STXBP6: variants seen among roughly 807,000 people sequenced by gnomAD.
The protein encoded by STXBP6 is syntaxin binding protein 6.
In STXBP6, 21 loss-of-function variants were observed where a neutral mutation model predicts 26.9. The ratio of observed to expected loss-of-function variants is 0.78; its 90% CI spans 0.55 to 1.12. The LOEUF (loss-of-function observed/expected upper bound fraction) is 1.12. Ranked by LOEUF, STXBP6 falls within the 50% of genes most tolerant of loss-of-function variation. The pLI, the probability that STXBP6 is intolerant of heterozygous loss-of-function variation, is 0.00. For missense variants in STXBP6, 232 were observed against 257.9 expected, an observed-to-expected ratio of 0.90 and a Z score of 0.69; for synonymous variants, 97 against 92.6, an observed-to-expected ratio of 1.05 and a Z score of -0.27.
chr14:24,846,241 G>A (rs549428159), intron 4 of STXBP6, among the ~76,000 whole-genome samples: 5 of 152,176 alleles, frequency 3.3e-5, no homozygotes, highest in Non-Finnish European at 5.9e-5. Context: ...AAGTTCTTTA[G>A]TGAAATTCTA....
chr14:24,945,166 T>TTTTTTTTTTTTTTTTTGA, intron 2 of STXBP6, among the ~76,000 whole-genome samples: 1 of 143,862 alleles, frequency 7.0e-6, no homozygotes, highest in East Asian at 2.1e-4. Flanking sequence ...TTTTTTTTTT[T>TTTTTTTTTTTTTTTTTGA]AGCAGATTCC....
intron 1 of STXBP6, among the ~76,000 whole-genome samples, chr14:25,009,057 T>A (rs2074971258): frequency 6.6e-6 from 1 of 152,180 alleles, no homozygotes; most frequent in Admixed American, 6.5e-5. Context: ...TTATCACAAG[T>A]TACTGGATTC....
At chr14:24,871,608 C>A (rs180909649) in intron 2 of STXBP6, among the ~76,000 whole-genome samples, 1 of 152,178 alleles carries the variant, frequency 6.6e-6, no homozygotes, top group African/African-American at 2.4e-5. Context: ...TATTTACTAC[C>A]TGCAGAAGCA....
At chr14:24,977,100 G>A (rs898608147) in intron 1 of STXBP6, among the ~76,000 whole-genome samples, 1 of 151,440 alleles carries the variant, frequency 6.6e-6, no homozygotes, top group Non-Finnish European at 1.5e-5. Flanking sequence ...CTGATCTCAA[G>A]TGATGCACCC....
At chr14:24,836,747 A>G (rs2068630585) in intron 4 of STXBP6, among the ~76,000 whole-genome samples, 1 of 152,184 alleles carries the variant, frequency 6.6e-6, no homozygotes, top group African/African-American at 2.4e-5. Flanking sequence ...TCAACAAAAG[A>G]AAAAGAAAAA....
At chr14:25,030,702 G>T (rs1230929040) in intron 1 of STXBP6, among the ~76,000 whole-genome samples, 1 of 152,060 alleles carries the variant, frequency 6.6e-6, no homozygotes, top group African/African-American at 2.4e-5. Flanking sequence ...GCATTGATGG[G>T]TTCCTATCTG....
chr14:25,048,649 G>A (rs2075760456), intron 1 of STXBP6, among the ~76,000 whole-genome samples: 1 of 152,136 alleles, frequency 6.6e-6, no homozygotes, highest in Non-Finnish European at 1.5e-5. Flanking sequence ...AAAAAGAGAG[G>A]CATATTTCTA....
At chr14:24,885,403 G>T (rs17109263) in intron 2 of STXBP6, among the ~76,000 whole-genome samples, 12,485 of 152,208 alleles carry the variant, frequency 0.082, 728 homozygotes, top group African/African-American at 0.16. Context: ...AAAGGCCACA[G>T]GGTAAACTGC....
At chr14:25,034,196 A>G (rs2075511876) in intron 1 of STXBP6, among the ~76,000 whole-genome samples, 1 of 152,164 alleles carries the variant, frequency 6.6e-6, no homozygotes, top group Non-Finnish European at 1.5e-5. Context: ...TTACTGAAAG[A>G]AAAACCAACT....
rs188856937 is a variant in STXBP6 at position 24,964,093 on chromosome 14, C to T, written c.154+10572G>A. On this transcript the variant is annotated intron_variant, in intron 2 of 5. Coordinates refer to ENST00000323944, the MANE Select transcript of STXBP6 (RefSeq NM_001394410.1). ...CAGGCAGTCTCAGCTCTTATAGAGG[C>T]GCAGCAGGAGTGGGATTATGCCCAA... Among the ~76,000 whole-genome samples, 209 of 151,890 alleles carry T rather than the reference C, an allele frequency of 1.4e-3. 1 individual carries two copies. The highest frequency in any genetic ancestry group is 4.7e-3 in the African/African-American group (193 of 41,410).
chr14:24,973,371 C>T (rs917593380), intron 2 of STXBP6, among the ~76,000 whole-genome samples: 11 of 133,806 alleles, frequency 8.2e-5, no homozygotes, highest in African/African-American at 3.2e-4. Context: ...TAAATAAAAG[C>T]TTTCTTCCTT....
At chr14:25,037,848 T>C (rs1004867384) in intron 1 of STXBP6, among the ~76,000 whole-genome samples, 2 of 152,250 alleles carry the variant, frequency 1.3e-5, no homozygotes, top group Non-Finnish European at 2.9e-5. Context: ...AAGTGGTCTC[T>C]GACTTTACAA....
At chr14:24,910,089 C>G (rs187122034) in intron 2 of STXBP6, among the ~76,000 whole-genome samples, 2 of 152,064 alleles carry the variant, frequency 1.3e-5, no homozygotes, top group African/African-American at 4.8e-5. Context: ...CCCATCCACA[C>G]TGGCCTCACA....
intron 1 of STXBP6, among the ~76,000 whole-genome samples, chr14:25,031,703 G>GT (rs1351418473): frequency 6.6e-6 from 1 of 150,688 alleles, no homozygotes; most frequent in Non-Finnish European, 1.5e-5. Flanking sequence ...ATGGCTGTAT[G>GT]TATCTCCCAA....
At chr14:24,964,806 G>C (rs900498780) in intron 2 of STXBP6, among the ~76,000 whole-genome samples, 6 of 152,106 alleles carry the variant, frequency 3.9e-5, no homozygotes, top group African/African-American at 1.4e-4. Flanking sequence ...CAGTGAACTT[G>C]ACTGACCTCA....
At chr14:25,048,122 G>T (rs933370572) in intron 1 of STXBP6, among the ~76,000 whole-genome samples, 1 of 152,182 alleles carries the variant, frequency 6.6e-6, no homozygotes, top group Non-Finnish European at 1.5e-5. Context: ...TAAACCACTT[G>T]GTGAGGAGTG....
chr14:24,949,838 C>A (rs1251088998), intron 2 of STXBP6, among the ~76,000 whole-genome samples: 1 of 152,144 alleles, frequency 6.6e-6, no homozygotes, highest in Non-Finnish European at 1.5e-5. Flanking sequence ...TGAGTTTCAG[C>A]CAATCACAGG....
At chr14:24,918,152 G>T (rs35669399) in intron 2 of STXBP6, among the ~76,000 whole-genome samples, 34,699 of 151,698 alleles carry the variant, frequency 0.23, 4,099 homozygotes, top group African/African-American at 0.29. Flanking sequence ...GTGTATGTGG[G>T]GAGGGGTGGT....
chr14:24,841,058 A>G (rs941545371), intron 4 of STXBP6, among the ~76,000 whole-genome samples: 5 of 152,324 alleles, frequency 3.3e-5, no homozygotes, highest in South Asian at 4.1e-4. Context: ...TGCAATCGTT[A>G]CAGTTTCTTA....
Sources: allele counts gnomAD v4.1 joint callset (sites outside exome capture counted in the v4.1 genomes callset), GRCh38; gene constraint gnomAD v4.1.1; transcripts MANE v1.5; gene names NCBI Gene and HGNC (gene_info 2026-07-23, HGNC 2026-07-21).